Variants in CADM2 observed in about 807,000 individuals in gnomAD.
CADM2 encodes the protein immunoglobulin superfamily member 4D.
In CADM2, 12 loss-of-function variants were observed where a neutral mutation model predicts 49.8. The ratio of observed to expected loss-of-function variants is 0.24; its 90% CI spans 0.15 to 0.39. The LOEUF is 0.39. Ranked by LOEUF, CADM2 falls within the 10% of genes least tolerant of loss-of-function variation. The probability of loss-of-function intolerance (pLI) is 1.00; values close to 1 mark genes in which losing one functional copy is unlikely to be tolerated. For synonymous variants in CADM2, 214 were observed against 175.4 expected (o/e 1.22, Z -1.74); for missense variants, 378 against 492.3 (o/e 0.77, Z 2.20).
intron 1 of CADM2, among the ~76,000 whole-genome samples, chr3:85,403,320 C>T (rs915419852): frequency 6.6e-6 from 1 of 152,050 alleles, no homozygotes; most frequent in Admixed American, 6.6e-5. Flanking sequence ...GTGCATTGAA[C>T]TAATATTTCA....
intron 1 of CADM2, among the ~76,000 whole-genome samples, chr3:85,704,157 T>C (rs982782852): frequency 1.3e-5 from 2 of 152,214 alleles, no homozygotes; most frequent in Non-Finnish European, 2.9e-5. Context: ...GTTTGATTTT[T>C]TGTTTACTAA....
chr3:85,756,801 A>G (rs1055014136), intron 2 of CADM2, among the ~76,000 whole-genome samples: 4 of 152,170 alleles, frequency 2.6e-5, no homozygotes, highest in Non-Finnish European at 5.9e-5. Context: ...GACAGAAAAT[A>G]AATTATTTTA....
intron 8 of CADM2, among the ~76,000 whole-genome samples, chr3:85,986,253 C>A (rs776784507): frequency 1.3e-5 from 2 of 151,416 alleles, no homozygotes; most frequent in Non-Finnish European, 2.9e-5. Flanking sequence ...AAAGAAACAT[C>A]AGAATAAAAG....
chr3:85,136,889 A>G (rs949094467), intron 1 of CADM2, among the ~76,000 whole-genome samples: 2 of 152,000 alleles, frequency 1.3e-5, no homozygotes, highest in Non-Finnish European at 2.9e-5. Flanking sequence ...CATTAGATTC[A>G]GTTTGCATTG....
chr3:85,223,450 A>G (rs1250568155), intron 1 of CADM2, among the ~76,000 whole-genome samples: 1 of 152,172 alleles, frequency 6.6e-6, no homozygotes, highest in African/African-American at 2.4e-5. Flanking sequence ...GGCATTAATA[A>G]CTAACCTGTG....
chr3:85,688,118 A>G (rs2107673864), intron 1 of CADM2, among the ~76,000 whole-genome samples: 1 of 152,294 alleles, frequency 6.6e-6, no homozygotes, highest in East Asian at 1.9e-4. Flanking sequence ...CTCGGTGCCA[A>G]AATGGTTGGG....
At chr3:85,799,709 C>T (rs1014414710) in intron 2 of CADM2, among the ~76,000 whole-genome samples, 15 of 152,128 alleles carry the variant, frequency 9.9e-5, no homozygotes, top group African/African-American at 2.9e-4. Context: ...GTATTACCAG[C>T]GGAGGCTGCA....
intron 8 of CADM2, among the ~76,000 whole-genome samples, chr3:85,983,892 A>G (rs1388575404): frequency 6.6e-6 from 1 of 151,414 alleles, no homozygotes; most frequent in Non-Finnish European, 1.5e-5. Context: ...CATGAAGTTT[A>G]AAGTATTCTT....
At chr3:86,020,416 G>T (rs543171313) in intron 8 of CADM2, among the ~76,000 whole-genome samples, 1 of 152,088 alleles carries the variant, frequency 6.6e-6, no homozygotes, top group South Asian at 2.1e-4. Flanking sequence ...GTACAAGGAG[G>T]AACTGGTACC....
intron 6 of CADM2, among the ~76,000 whole-genome samples, chr3:85,929,869 C>A (rs1226467894): frequency 1.3e-5 from 2 of 151,894 alleles, no homozygotes; most frequent in African/African-American, 2.4e-5. Flanking sequence ...TTAATCAATT[C>A]TCTTATGTAT....
At chr3:85,057,040 CT>C (rs2036107911) in intron 1 of CADM2, among the ~76,000 whole-genome samples, 1 of 152,076 alleles carries the variant, frequency 6.6e-6, no homozygotes, top group South Asian at 2.1e-4. Flanking sequence ...TTGAGAATCT[CT>C]GGTGCAGATA....
At chr3:85,462,818 T>A (rs921957113) in intron 1 of CADM2, among the ~76,000 whole-genome samples, 3 of 152,170 alleles carry the variant, frequency 2.0e-5, no homozygotes, top group Non-Finnish European at 4.4e-5. Context: ...TTGATTAACA[T>A]CATATTGCAT....
intron 2 of CADM2, among the ~76,000 whole-genome samples, chr3:85,771,578 T>C (rs1360915936): frequency 6.6e-6 from 1 of 152,078 alleles, no homozygotes; most frequent in Non-Finnish European, 1.5e-5. Flanking sequence ...AAACAGATAC[T>C]AAACATTTGA....
chr3:85,372,460 T>TGTATATAA (rs373214293), intron 1 of CADM2, among the ~76,000 whole-genome samples: 121,788 of 148,016 alleles, frequency 0.82, 53,603 homozygotes, highest in Non-Finnish European at 0.96. Context: ...TATGTATATA[T>TGTATATAA]ATGAGATCAA....
chr3:85,081,487 G>A (rs565879990), intron 1 of CADM2, among the ~76,000 whole-genome samples: 1 of 152,092 alleles, frequency 6.6e-6, no homozygotes. Context: ...CATAAACTTT[G>A]GCCTGGTTAT....
intron 1 of CADM2, among the ~76,000 whole-genome samples, chr3:85,214,624 C>G (rs1305557762): frequency 6.6e-6 from 1 of 151,922 alleles, no homozygotes; most frequent in African/African-American, 2.4e-5. Context: ...CTATTAATAC[C>G]TGGAACTCTA....
intron 1 of CADM2, among the ~76,000 whole-genome samples, chr3:85,149,776 A>AT (rs1236786704): frequency 8.5e-5 from 13 of 152,194 alleles, no homozygotes; most frequent in African/African-American, 2.4e-4. Context: ...GTTTTATTTT[A>AT]TTTTTAAAAG....
chr3:85,349,768 G>A (rs2031148283), intron 1 of CADM2, among the ~76,000 whole-genome samples: 1 of 152,194 alleles, frequency 6.6e-6, no homozygotes, highest in African/African-American at 2.4e-5. Flanking sequence ...AATTTAGACA[G>A]TGTCTTGGAC....
chr3:85,568,528 C>G (rs2062380563), intron 1 of CADM2, among the ~76,000 whole-genome samples: 1 of 112,920 alleles, frequency 8.9e-6, no homozygotes, highest in Non-Finnish European at 1.8e-5. Flanking sequence ...CCCTCCCTCC[C>G]TCTCTCTTTT....
Sources: gnomAD v4.1 joint callset for allele counts (sites outside exome capture counted in the v4.1 genomes callset) on GRCh38, gnomAD v4.1.1 for gene constraint, MANE v1.5 for transcripts, NCBI Gene and HGNC (gene_info 2026-07-23, HGNC 2026-07-21) for gene names.